The following GRHL1 variants were observed in gnomAD, a reference collection of about 807,000 sequenced individuals.
GRHL1 encodes the protein grainyhead-like protein 1 homolog.
Under a neutral mutation model 75.7 loss-of-function variants are expected in GRHL1, and 38 were observed. That is an observed-to-expected ratio of 0.50 (90% CI 0.39 to 0.66). GRHL1 has a LOEUF of 0.66. Among genes scored for constraint, GRHL1 ranks in the 30% least tolerant of loss-of-function variants. GRHL1 has a pLI of 0.00. For missense variants in GRHL1, 589 were observed against 767.5 expected, an observed-to-expected ratio of 0.77 and a Z score of 2.75; for synonymous variants, 266 against 279.4, an observed-to-expected ratio of 0.95 and a Z score of 0.48.
intron 14 of GRHL1, 138 bp from the exon 15 acceptor site, chr2:9,998,827 T>TATATATACGTATATATATGTACACAC (rs1558321499): frequency 8.4e-5 from 6 of 71,598 alleles, no homozygotes; most frequent in South Asian, 2.8e-4. Context: ...TATGTACACA[T>TATATATACGTATATATATGTACACAC]ATATATATAC....
chr2:9,982,985 C>T lies in GRHL1; in HGVS notation c.1111-3139C>T, dbSNP rs112347640. ...ACAGGTAAGGACCCTTGCACTGGGT[C>T]GCAGTGCTTAGTTAGGGGCCAGCTC... On this transcript the variant is annotated intron_variant, in intron 8 of 15. Coordinates refer to ENST00000324907, the MANE Select transcript of GRHL1 (RefSeq NM_198182.3). Among the ~76,000 whole-genome samples, 118 of 151,636 alleles carry T rather than the reference C, an allele frequency of 7.8e-4. 1 individual carries two copies. Among genetic ancestry groups the T allele is most frequent in the African/African-American group, 2.7e-3 (111 of 40,930 alleles).
intron 2 of GRHL1, among the ~76,000 whole-genome samples, chr2:9,958,354 T>A (rs59658303): frequency 0.19 from 29,307 of 151,466 alleles, 4,024 homozygotes; most frequent in African/African-American, 0.39. Flanking sequence ...AATTTTAAAA[T>A]TTTTTTTGTA....
intron 2 of GRHL1, 70 bp downstream of exon 2, chr2:9,955,171 G>C: frequency 3.0e-6 from 3 of 999,542 alleles, no homozygotes; most frequent in Non-Finnish European, 4.5e-6. Flanking sequence ...CATAGAAACA[G>C]ACATTTGCTG....
At chr2:9,956,661 A>G (rs1312586343) in intron 2 of GRHL1, among the ~76,000 whole-genome samples, 1 of 152,248 alleles carries the variant, frequency 6.6e-6, no homozygotes, top group Non-Finnish European at 1.5e-5. Context: ...ATGCTAGAAG[A>G]AACTCTTACC....
chr2:9,958,720 G>T, intron 2 of GRHL1, 66 bp from the exon 3 acceptor site: 1 of 1,198,612 alleles, frequency 8.3e-7, no homozygotes, highest in Non-Finnish European at 1.2e-6. Context: ...ATAAAAGGCT[G>T]TATCTTTGGG....
At chr2:9,961,007 A>T in intron 3 of GRHL1, 39 bp from the exon 4 acceptor site, 3 of 1,488,548 alleles carry the variant, frequency 2.0e-6, no homozygotes, top group Non-Finnish European at 9.0e-7. Context: ...AAAGAACTAC[A>T]TCAGCATCGC....
chr2:9,973,479 C>G (rs896403095), intron 8 of GRHL1, among the ~76,000 whole-genome samples: 1 of 152,204 alleles, frequency 6.6e-6, no homozygotes, highest in African/African-American at 2.4e-5. Flanking sequence ...ATGTTCCTGG[C>G]TAATTCAACT....
intron 10 of GRHL1, 44 bp from the exon 11 acceptor site, chr2:9,991,961 ATC>A: frequency 6.7e-7 from 1 of 1,485,006 alleles, no homozygotes; most frequent in South Asian, 1.2e-5. Flanking sequence ...TCTGTATGTA[ATC>A]CTTTGACCTT....
chr2:9,994,292 A>C (rs1668761520), intron 12 of GRHL1, among the ~76,000 whole-genome samples: 1 of 150,204 alleles, frequency 6.7e-6, no homozygotes, highest in Non-Finnish European at 1.5e-5. Context: ...CTACAGGCAC[A>C]TGCCACCACA....
rs997143613 is a variant in GRHL1, at chr2:9,992,294, A to G, written c.1461+148A>G. ...CTTTGGAATATTCTGCTGGGGTGACATGATGCCCGTGCAATAAAAATGGTA... is the reference window on the plus strand; with the variant it reads ...CTTTGGAATATTCTGCTGGGGTGACGTGATGCCCGTGCAATAAAAATGGTA... On this transcript the variant is annotated intron_variant, in intron 11 of 15. Transcript: ENST00000324907. The surrounding 1 kb of genome is among the most constrained non-coding windows in gnomAD (Gnocchi z 4.6). 1.2e-5 allele frequency: 8 copies of G among 668,318 alleles called. No homozygotes were observed. The highest frequency in any genetic ancestry group is 2.5e-6 in the Non-Finnish European group (1 of 397,096). 41.4% of individuals were successfully genotyped at this position (668,318 alleles called of 1,614,324 possible). A position where few individuals can be genotyped will look rare whatever the true frequency, so the allele number is the denominator to read the frequency against.
intron 8 of GRHL1, among the ~76,000 whole-genome samples, chr2:9,983,953 G>A (rs904661749): frequency 1.4e-4 from 21 of 151,932 alleles, no homozygotes; most frequent in East Asian, 3.9e-4. Flanking sequence ...TCAGGAGTTC[G>A]AGACCAGCCT....
In GRHL1 at chr2:9,998,649, TAC is replaced by T. The variant is rs1170594803; in HGVS notation, c.1678-314_1678-313del. On this transcript the variant is annotated intron_variant, in intron 14 of 15. Transcript: ENST00000324907. ...ACATATACATATATATGTACACATA[TAC>T]ATATACATATATATGTACACATATA... 9.8e-3 allele frequency among the ~76,000 whole-genome samples: 427 copies of T among 43,536 alleles called. 96 individuals are homozygous for T. The highest frequency in any genetic ancestry group is 0.048 in the African/African-American group (238 of 4,994). The allele number at this position is 43,536 out of a possible 152,430, so 28.6% of individuals were successfully genotyped here. A position where few individuals can be genotyped will look rare whatever the true frequency, so the allele number is the denominator to read the frequency against.
intron 1 of GRHL1, among the ~76,000 whole-genome samples, chr2:9,953,821 C>CAAT (rs1666902746): frequency 6.6e-6 from 1 of 152,010 alleles, no homozygotes; most frequent in Non-Finnish European, 1.5e-5. Flanking sequence ...TTGTGTGTTG[C>CAAT]AATGAGAGCC....
At position 9,973,142 on chromosome 2, in the gene GRHL1, A is replaced by T. The variant is rs114183921; in HGVS notation, c.1110+7761A>T. Among the ~76,000 whole-genome samples, 1,417 of 152,248 alleles carry T rather than the reference A, an allele frequency of 9.3e-3. 7 individuals are homozygous for T. Among genetic ancestry groups the T allele is most frequent in the Middle Eastern group, 0.027 (8 of 294 alleles). ...CCCTTGATGGTGATTGGATAGCCTG[A>T]GAAATAACACAAATGCTGGCTGCCG... On this transcript the variant is annotated intron_variant, in intron 8 of 15. Transcript: ENST00000324907.
chr2:9,969,060 G>T (rs1481417939), intron 8 of GRHL1, among the ~76,000 whole-genome samples: 1 of 152,208 alleles, frequency 6.6e-6, no homozygotes, highest in Non-Finnish European at 1.5e-5. Context: ...AAACAAGCGA[G>T]TTTAGAATAG....
intron 14 of GRHL1, among the ~76,000 whole-genome samples, chr2:9,997,780 G>A (rs1232367067): frequency 1.3e-5 from 2 of 150,244 alleles, no homozygotes; most frequent in African/African-American, 4.9e-5. Context: ...CTGAGATCCC[G>A]CCACTGTACT....
chr2:9,990,771 C>T lies in GRHL1; in HGVS notation c.1321+24C>T. ...AGGCAAGTGTCCTGACCCCAGCTCCCAGGTGAATGCCTGTAAGTAGAAATG... is the reference window on the plus strand; with the variant it reads ...AGGCAAGTGTCCTGACCCCAGCTCCTAGGTGAATGCCTGTAAGTAGAAATG... On this transcript the variant is annotated intron_variant, in intron 10 of 15. Transcript: ENST00000324907. This position sits in a 1 kb window ranked among gnomAD's most constrained non-coding sequence, Gnocchi z 4.2. 1.3e-6 allele frequency: 2 copies of T among 1,589,384 alleles called. No individual in the cohort carries two copies. Among genetic ancestry groups the T allele is most frequent in the South Asian group, 1.1e-5 (1 of 89,634 alleles).
In GRHL1 at chr2:9,962,494, A is replaced by G. The variant is rs778960347; in HGVS notation, c.709A>G (p.Met237Val). 2 of 1,602,954 alleles carry G rather than the reference A, an allele frequency of 1.2e-6. No individual in the cohort carries two copies. Among genetic ancestry groups the G allele is most frequent in the South Asian group, 1.1e-5 (1 of 90,874 alleles). Residue 237 changes from methionine (M) to valine (V), a missense_variant, in exon 5 of 16, where the codon ATG (methionine) becomes GTG (valine). Around this residue, in one of 5 missense-constraint regions of GRHL1, gnomAD observed 362 missense variants for 461.8 expected, o/e 0.78. Coordinates refer to ENST00000324907, the MANE Select transcript of GRHL1 (RefSeq NM_198182.3). Reference protein sequence around the residue: ...PSDLSLRMPGMNSEDYVFDSV... With the variant: ...PSDLSLRMPGVNSEDYVFDSV... ...GGATCTCAGTCTGCGGATGCCTGGC[A>G]TGAATTCAGAGGACTATGTTTTTGA...
At chr2:9,958,964 G>C (rs1667154466) in intron 3 of GRHL1, 108 bp downstream of exon 3, 1 of 1,471,112 alleles carries the variant, frequency 6.8e-7, no homozygotes, top group Non-Finnish European at 9.1e-7. Flanking sequence ...GAAAGAGATA[G>C]GTAAGTTGGA....
Sources: allele counts gnomAD v4.1 joint callset (sites outside exome capture counted in the v4.1 genomes callset), GRCh38; gene constraint gnomAD v4.1.1; regional missense constraint gnomAD v4.1.1; non-coding constraint Gnocchi (gnomAD v3.1); transcripts MANE v1.5; gene names NCBI Gene and HGNC (gene_info 2026-07-23, HGNC 2026-07-21).